The following PCDHA1 variants were observed in gnomAD, a reference collection of about 807,000 sequenced individuals.
The protein encoded by PCDHA1 is protocadherin alpha-1.
In PCDHA1, 42 loss-of-function variants were observed where a neutral mutation model predicts 61.3. The ratio of observed to expected loss-of-function variants is 0.69; its 90% CI spans 0.54 to 0.89. PCDHA1 has a LOEUF of 0.89. PCDHA1 is among the 40% of genes least tolerant of loss of function. The probability of loss-of-function intolerance (pLI) is 0.00; values close to 1 mark genes in which losing one functional copy is unlikely to be tolerated. For missense variants in PCDHA1, 1,256 were observed against 1,235.3 expected, an observed-to-expected ratio of 1.02 and a Z score of -0.25; for synonymous variants, 610 against 553.8, an observed-to-expected ratio of 1.10 and a Z score of -1.43.
At position 140,788,371 on chromosome 5, in the gene PCDHA1, T is replaced by C; in HGVS notation, c.2081T>C (p.Val694Ala). Residue 694 changes from valine to alanine, a missense_variant, in exon 1 of 4, where the codon GTG becomes GCG. By Grantham distance (64) the Val-to-Ala change is moderately conservative. Transcript: ENST00000504120. ...GTCGCGGGCCCAGAGGCGGCGCTGG[T>C]GGATGTCAACGTGTACCTGATCATC... ...VGVAGPEAAL[V>A]DVNVYLIIAI... The C allele has an allele frequency of 6.2e-7, 1 of 1,613,888 alleles. No homozygotes were observed. The highest frequency in any genetic ancestry group is 8.5e-7 in the Non-Finnish European group (1 of 1,179,952).
intron 1 of PCDHA1, chr5:140,868,990 G>T: frequency 6.6e-7 from 1 of 1,511,604 alleles, no homozygotes; most frequent in Non-Finnish European, 8.8e-7. Flanking sequence ...GGATGCCACC[G>T]TTTAAGGATC....
chr5:140,877,338 C>G (rs1554169617), intron 1 of PCDHA1: 2 of 1,614,012 alleles, frequency 1.2e-6, no homozygotes, highest in South Asian at 2.2e-5. Flanking sequence ...ACATCCCGTT[C>G]CACGTGGGGC....
chr5:140,857,348 C>T lies in PCDHA1; in HGVS notation c.2394+68664C>T, dbSNP rs782358430. 9.4e-6 allele frequency: 15 copies of T among 1,598,398 alleles called. 2 individuals carry two copies. The highest frequency in any genetic ancestry group is 6.7e-5 in the African/African-American group (5 of 74,370). On this transcript the variant is annotated intron_variant, in intron 1 of 3. Coordinates refer to ENST00000504120, the MANE Select transcript of PCDHA1 (RefSeq NM_018900.4). ...CGCGCGGGACGGGGGCTCGCCTCCG[C>T]TGTGGGCCACGGCCAGCGTGTCTGT... is the stretch of plus-strand genomic sequence containing the variant.
In PCDHA1 at chr5:140,870,563, C is replaced by G. The variant is rs1333019449; in HGVS notation, c.2394+81879C>G. The G allele has an allele frequency of 6.2e-6, 10 of 1,613,994 alleles. No individual in the cohort carries two copies. Among genetic ancestry groups the G allele is most frequent in the Non-Finnish European group, 8.5e-6 (10 of 1,179,984 alleles). ...CGGGACGCGGACGCGCAGGAGAACG[C>G]GCTGGTGTCCTACTCGCTGGTGGAG... On this transcript the variant is annotated intron_variant, in intron 1 of 3. Transcript: ENST00000504120.
chr5:140,951,543 C>CG (rs1201907714), intron 1 of PCDHA1, among the ~76,000 whole-genome samples: 2 of 151,428 alleles, frequency 1.3e-5, no homozygotes. Flanking sequence ...GAGCAAGGGA[C>CG]GGGGGGAAGT....
chr5:140,922,257 G>A (rs2080747240), intron 1 of PCDHA1, among the ~76,000 whole-genome samples: 5 of 152,172 alleles, frequency 3.3e-5, no homozygotes, highest in Admixed American at 3.3e-4. Context: ...AAGTTACTAA[G>A]TGCCATGAAG....
rs371368253 is a variant in PCDHA1, at chr5:140,871,153, G to C, written c.2394+82469G>C. 77 of 1,613,298 alleles carry C rather than the reference G, an allele frequency of 4.8e-5. No homozygotes were observed. The African/African-American group carries it at 9.2e-4, about 19-fold the overall frequency. On this transcript the variant is annotated intron_variant, in intron 1 of 3. Transcript: ENST00000504120. ...AAAGGCCTCTTCCCGGACTTTGGCG[G>C]GCGCCGCGAGCCCAGAGGCTGCGCT...
At position 140,788,109 on chromosome 5, in the gene PCDHA1, C is replaced by T; in HGVS notation, c.1819C>T (p.Leu607=). The part of the protein sequence containing the change: ...VDADSGYNAW[L]SYELQPAAGG... Reference sequence around the variant, plus strand: ...CGCCGACTCGGGCTACAACGCGTGGCTGTCCTATGAACTGCAGCCGGCAGC... The same window carrying T: ...CGCCGACTCGGGCTACAACGCGTGGTTGTCCTATGAACTGCAGCCGGCAGC... Residue 607 remains leucine, a synonymous_variant, in exon 1 of 4, where the codon CTG becomes TTG. Coordinates refer to ENST00000504120, the MANE Select transcript of PCDHA1 (RefSeq NM_018900.4). 2 of 1,614,010 alleles carry T rather than the reference C, an allele frequency of 1.2e-6. No homozygotes were observed. Among genetic ancestry groups the T allele is most frequent in the South Asian group, 1.1e-5 (1 of 91,080 alleles).
chr5:140,947,685 G>T (rs553954790), intron 1 of PCDHA1, among the ~76,000 whole-genome samples: 1 of 151,508 alleles, frequency 6.6e-6, no homozygotes, highest in South Asian at 2.1e-4. Flanking sequence ...AATTGTCTCA[G>T]CATGTTCTGT....
At chr5:140,876,597 G>A in intron 1 of PCDHA1, 1 of 1,614,160 alleles carries the variant, frequency 6.2e-7, no homozygotes, top group Non-Finnish European at 8.5e-7. Flanking sequence ...TTAGCGTGTC[G>A]GATCGTGACT....
intron 1 of PCDHA1, chr5:140,800,999 C>A: frequency 1.4e-6 from 2 of 1,401,898 alleles, no homozygotes; most frequent in South Asian, 1.7e-5. Flanking sequence ...ACACGTTTAG[C>A]CACATGATGT....
intron 1 of PCDHA1, among the ~76,000 whole-genome samples, chr5:140,921,909 CATG>C (rs1554200522): frequency 6.6e-6 from 1 of 151,678 alleles, no homozygotes; most frequent in Non-Finnish European, 1.5e-5. Context: ...ATATATATTA[CATG>C]ATAAAACTTA....
At chr5:140,796,306 G>A (rs1554119831) in intron 1 of PCDHA1, 1 of 1,614,136 alleles carries the variant, frequency 6.2e-7, no homozygotes. Context: ...GGTGGCCGAC[G>A]TGAACGACAA....
At chr5:140,895,660 A>G (rs2065094898) in intron 1 of PCDHA1, among the ~76,000 whole-genome samples, 6 of 152,160 alleles carry the variant, frequency 3.9e-5, no homozygotes, top group Admixed American at 3.9e-4. Context: ...CTTATAAGTG[A>G]GAACATGTAG....
intron 1 of PCDHA1, among the ~76,000 whole-genome samples, chr5:140,946,310 A>G (rs562859671): frequency 2.6e-5 from 4 of 152,074 alleles, no homozygotes; most frequent in African/African-American, 4.8e-5. Context: ...TAGAATGGCT[A>G]TTATTGAAAG....
intron 1 of PCDHA1, among the ~76,000 whole-genome samples, chr5:140,899,663 C>T (rs1583349850): frequency 1.3e-5 from 2 of 152,176 alleles, no homozygotes; most frequent in African/African-American, 4.8e-5. Flanking sequence ...TGTCTCTGCC[C>T]GGCTTTGGTA....
intron 1 of PCDHA1, chr5:140,807,130 G>A: frequency 6.4e-7 from 1 of 1,557,158 alleles, no homozygotes; most frequent in South Asian, 1.2e-5. Flanking sequence ...CCGATTAAAA[G>A]ATTTCCCTTG....
chr5:140,885,160 CTTTT>C (rs370486132), intron 1 of PCDHA1, among the ~76,000 whole-genome samples: 314 of 152,080 alleles, frequency 2.1e-3, no homozygotes, highest in African/African-American at 7.4e-3. Context: ...ATTGTCTCTA[CTTTT>C]TTGTCCTCTA....
rs373471484 is a variant in PCDHA1, at chr5:140,997,017, TA to T, written c.2543-12609del. 5.1e-4 allele frequency among the ~76,000 whole-genome samples: 78 copies of T among 152,304 alleles called. No individual in the cohort carries two copies. The South Asian group carries it at 0.011, about 21-fold the overall frequency. ...TAACAATTTTGTGTGTATCCTCCAA[TA>T]TTTTTTTGAAATTAATGAACTTTAC... On this transcript the variant is annotated intron_variant, in intron 3 of 3. Transcript: ENST00000504120.
Sources: allele counts gnomAD v4.1 joint callset (sites outside exome capture counted in the v4.1 genomes callset), GRCh38; gene constraint gnomAD v4.1.1; transcripts MANE v1.5; gene names NCBI Gene and HGNC (gene_info 2026-07-23, HGNC 2026-07-21).